Variants in GLYATL2 observed in about 807,000 individuals in gnomAD.
GLYATL2 encodes glycine N-acyltransferase-like protein 2.
GLYATL2 carries 25 observed loss-of-function variants against 21.4 expected under a neutral mutation model. The ratio of observed to expected loss-of-function variants is 1.17; its 90% CI spans 0.85 to 1.63. The LOEUF (loss-of-function observed/expected upper bound fraction) is 1.63, where lower values mean the gene tolerates loss of function less well. Among genes scored for constraint, GLYATL2 ranks in the 40% most tolerant of loss-of-function variants. The pLI is 0.00. For missense variants in GLYATL2, 361 were observed against 343.3 expected, an observed-to-expected ratio of 1.05 and a Z score of -0.41; for synonymous variants, 114 against 118.2, an observed-to-expected ratio of 0.96 and a Z score of 0.23.
chr11:58,897,717 T>C (rs1347278333), intron 1 of GLYATL2, among the ~76,000 whole-genome samples: 5 of 152,218 alleles, frequency 3.3e-5, no homozygotes, highest in Non-Finnish European at 7.3e-5. Flanking sequence ...TTCCCTGACT[T>C]CATAAAAACT....
chr11:58,908,376 T>A (rs1854958523), upstream of GLYATL2: 1 of 153,452 alleles, frequency 6.5e-6, no homozygotes, highest in South Asian at 2.1e-4. Flanking sequence ...TTTTTGTTTT[T>A]TTAGACATTT....
chr11:58,872,717 A>G (rs1418559348), intron 1 of GLYATL2, among the ~76,000 whole-genome samples: 2 of 152,174 alleles, frequency 1.3e-5, no homozygotes, highest in Non-Finnish European at 2.9e-5. Context: ...GTCAGGTAGC[A>G]TGATGCCTCC....
At chr11:58,855,315 T>C (rs567057218) in intron 1 of GLYATL2, among the ~76,000 whole-genome samples, 6 of 152,344 alleles carry the variant, frequency 3.9e-5, no homozygotes, top group African/African-American at 1.4e-4. Context: ...GAAAAAAAAT[T>C]AATGTCCTTG....
chr11:58,897,914 G>T (rs1187837027), intron 1 of GLYATL2, among the ~76,000 whole-genome samples: 1 of 152,168 alleles, frequency 6.6e-6, no homozygotes, highest in Admixed American at 6.5e-5. Context: ...AGTGAAAATT[G>T]TTTCCCCATA....
At chr11:58,869,495 T>C (rs139550497) in intron 1 of GLYATL2, among the ~76,000 whole-genome samples, 196 of 152,320 alleles carry the variant, frequency 1.3e-3, no homozygotes, top group African/African-American at 4.3e-3. Context: ...CTATCAAGGC[T>C]AACAAAGTTC....
upstream of GLYATL2, chr11:58,907,116 G>A (rs1854911632): frequency 2.8e-6 from 1 of 356,940 alleles, no homozygotes; most frequent in African/African-American, 2.1e-5. Context: ...TAGTTTTAGG[G>A]TGGTTCTTTC....
In GLYATL2 at chr11:58,838,359, C is replaced by A. The variant is rs148535188; in HGVS notation, c.88G>T (p.Ala30Ser). 1 of 1,606,046 alleles carries A rather than the reference C, an allele frequency of 6.2e-7. No homozygotes were observed. The change falls in exon 3 of 6, where the codon GCC becomes TCC. Residue 30 changes from alanine (A) to serine (S), a missense_variant. Coordinates refer to ENST00000287275, the MANE Select transcript of GLYATL2 (RefSeq NM_145016.4). The part of the protein sequence containing the change: ...SIPESIKVYG[A>S]IFNIKDKNPF... ...TTTTTATCTTTTATGTTGAAAATGG[C>A]GCCATATACCTACGATGCAACAGAA...
intron 1 of GLYATL2, among the ~76,000 whole-genome samples, chr11:58,871,195 T>C (rs1252871608): frequency 6.6e-6 from 1 of 152,186 alleles, no homozygotes; most frequent in African/African-American, 2.4e-5. Context: ...TAGATACATA[T>C]GTCTTGAGTT....
chr11:58,889,821 C>T (rs186864903), intron 1 of GLYATL2, among the ~76,000 whole-genome samples: 1 of 152,166 alleles, frequency 6.6e-6, no homozygotes, highest in East Asian at 1.9e-4. Context: ...TTTGTTATTT[C>T]CTTGCCAGAT....
upstream of GLYATL2, chr11:58,905,600 T>G (rs1426972698): frequency 8.8e-6 from 4 of 456,226 alleles, no homozygotes; most frequent in Admixed American, 9.4e-5. Context: ...TGGCTTCCAC[T>G]GGGAGACAGG....
chr11:58,884,169 C>T (rs886442337), intron 1 of GLYATL2, among the ~76,000 whole-genome samples: 8 of 152,202 alleles, frequency 5.3e-5, no homozygotes, highest in Non-Finnish European at 8.8e-5. Context: ...CATGGATGCC[C>T]TCTTTCACCA....
At position 58,851,308 on chromosome 11, in the gene GLYATL2, G is replaced by T. The variant is rs79077630; in HGVS notation, n.61-12940C>A. On this transcript the variant is annotated intron_variant and non_coding_transcript_variant, in intron 1 of 4. Coordinates refer to the GLYATL2 transcript ENST00000533636. ...GGAGAAAAACGCACAGACCCTGTGG[G>T]GCTGGCCACTACCCTTTTTAGCATC... Among the ~76,000 whole-genome samples, 1,228 of 152,156 alleles carry T rather than the reference G, an allele frequency of 8.1e-3. 31 individuals are homozygous for T. The highest frequency in any genetic ancestry group is 0.055 in the Admixed American group (842 of 15,284).
intron 1 of GLYATL2, among the ~76,000 whole-genome samples, chr11:58,861,356 C>T (rs1187932185): frequency 6.6e-6 from 1 of 151,650 alleles, no homozygotes; most frequent in African/African-American, 2.4e-5. Flanking sequence ...CTAGATTATT[C>T]CAATTTGTTG....
intron 1 of GLYATL2, among the ~76,000 whole-genome samples, chr11:58,900,738 C>T (rs2134629805): frequency 6.6e-6 from 1 of 152,286 alleles, no homozygotes; most frequent in South Asian, 2.1e-4. Flanking sequence ...CCAGCATCTC[C>T]CACGCCCATC....
chr11:58,852,487 T>C (rs888167312), intron 1 of GLYATL2, among the ~76,000 whole-genome samples: 1 of 152,196 alleles, frequency 6.6e-6, no homozygotes, highest in African/African-American at 2.4e-5. Context: ...AACTTCTTAG[T>C]ATATTGTTTC....
At chr11:58,853,136 T>A (rs1853769845) in intron 1 of GLYATL2, among the ~76,000 whole-genome samples, 1 of 152,208 alleles carries the variant, frequency 6.6e-6, no homozygotes, top group Non-Finnish European at 1.5e-5. Context: ...ACGTTTCCTT[T>A]ATCTATAAAG....
chr11:58,868,432 A>G lies in GLYATL2; in HGVS notation n.61-30064T>C, dbSNP rs761438358. Among the ~76,000 whole-genome samples, 4 of 148,546 alleles carry G rather than the reference A, an allele frequency of 2.7e-5. No individual in the cohort carries two copies. In the South Asian group the frequency reaches 8.6e-4, roughly 32 times the overall value. On this transcript the variant is annotated intron_variant and non_coding_transcript_variant, in intron 1 of 4. Coordinates refer to the GLYATL2 transcript ENST00000533636. Reference sequence around the variant, plus strand: ...CTCCTGAGTTCCTGTTTTTCTACACATTGTTACATTTCTTCCCTGCTATGT... The same window carrying G: ...CTCCTGAGTTCCTGTTTTTCTACACGTTGTTACATTTCTTCCCTGCTATGT...
chr11:58,844,123 G>A (rs1424560785), intron 1 of GLYATL2, among the ~76,000 whole-genome samples: 8 of 152,124 alleles, frequency 5.3e-5, no homozygotes, highest in African/African-American at 1.4e-4. Context: ...TCTGCTAACA[G>A]TATTACTATG....
At chr11:58,901,656 T>G (rs184999460) in intron 1 of GLYATL2, among the ~76,000 whole-genome samples, 63 of 152,026 alleles carry the variant, frequency 4.1e-4, no homozygotes, top group African/African-American at 1.5e-3. Flanking sequence ...GCTCTAAGGT[T>G]AAAATCCTAC....
Sources: allele counts gnomAD v4.1 joint callset (sites outside exome capture counted in the v4.1 genomes callset), GRCh38; gene constraint gnomAD v4.1.1; transcripts MANE v1.5; gene names NCBI Gene and HGNC (gene_info 2026-07-23, HGNC 2026-07-21).